Variants in HECW2 observed in about 807,000 individuals in gnomAD.
The protein encoded by HECW2 is HECT, C2 and WW domain containing E3 ubiquitin protein ligase 2, also known as E3 ubiquitin-protein ligase HECW2.
A neutral mutation model predicts 175.2 loss-of-function variants in HECW2; 61 were observed. That is an observed-to-expected ratio of 0.35 (90% confidence interval 0.28 to 0.43). The LOEUF is 0.43. HECW2 is among the 20% of genes least tolerant of loss of function. HECW2 has a pLI of 1.00. For synonymous variants in HECW2, 671 were observed against 731.0 expected (o/e 0.92, Z 1.32); for missense variants, 1,524 against 2,000.5 (o/e 0.76, Z 4.54).
intron 1 of HECW2, among the ~76,000 whole-genome samples, chr2:196,521,304 A>G (rs545638600): frequency 9.4e-5 from 14 of 148,264 alleles, no homozygotes; most frequent in Non-Finnish European, 1.8e-4. Flanking sequence ...AAAAAAAAAA[A>G]AAAGAAAGAA....
At chr2:196,299,996 A>C (rs1361882405) in intron 13 of HECW2, among the ~76,000 whole-genome samples, 1 of 152,182 alleles carries the variant, frequency 6.6e-6, no homozygotes, top group East Asian at 1.9e-4. Context: ...TCTCTACTTG[A>C]AACAATGCAG....
At chr2:196,431,145 A>G (rs1695700294) in intron 2 of HECW2, among the ~76,000 whole-genome samples, 1 of 152,214 alleles carries the variant, frequency 6.6e-6, no homozygotes, top group South Asian at 2.1e-4. Context: ...AAGAGTTATC[A>G]TTTTTCAAAA....
At position 196,534,535 on chromosome 2, in the gene HECW2, T is replaced by C. The variant is rs569172602; in HGVS notation, c.-36+58973A>G. ...CTCAGAAATGAGAACGGGGTTGAAATGATAGCTGAATCTTCTTCTAGTCTC... is the reference window on the plus strand; with the variant it reads ...CTCAGAAATGAGAACGGGGTTGAAACGATAGCTGAATCTTCTTCTAGTCTC... On this transcript the variant is annotated intron_variant, in intron 1 of 28. Transcript: ENST00000644978. Among the ~76,000 whole-genome samples the C allele has an allele frequency of 1.7e-4, 26 of 152,300 alleles. No individual in the cohort carries two copies. In the South Asian group the frequency reaches 4.4e-3, roughly 26 times the overall value.
At chr2:196,323,899 G>GTTTTTTTCGTTTTTTTTTTTTTTTTTTTT (rs1692040659) in intron 6 of HECW2, among the ~76,000 whole-genome samples, 1 of 118,142 alleles carries the variant, frequency 8.5e-6, no homozygotes. Context: ...GCCCTTAAGA[G>GTTTTTTTCGTTTTTTTTTTTTTTTTTTTT]TTTTTTTTGT....
At chr2:196,313,008 A>G (rs1446557402) in intron 10 of HECW2, among the ~76,000 whole-genome samples, 2 of 152,212 alleles carry the variant, frequency 1.3e-5, no homozygotes, top group Non-Finnish European at 2.9e-5. Flanking sequence ...AACCCCTCAC[A>G]TAAGTAATAG....
chr2:196,563,657 A>G lies in HECW2; in HGVS notation c.-36+29851T>C, dbSNP rs142725775. ...GAGTCAAGTAAAGAACACAGGAACC[A>G]GCTTGAAAAGGCACCCACTAGCTAG... On this transcript the variant is annotated intron_variant, in intron 1 of 28. Transcript: ENST00000644978. Among the ~76,000 whole-genome samples, 54 of 152,314 alleles carry G rather than the reference A, an allele frequency of 3.5e-4. 1 individual carries two copies. The East Asian group carries it at 9.4e-3, about 27-fold the overall frequency.
At chr2:196,362,104 C>A (rs1693605676) in intron 2 of HECW2, 1 of 985,230 alleles carries the variant, frequency 1.0e-6, no homozygotes, top group Non-Finnish European at 1.2e-6. Context: ...CAAGAGGCTC[C>A]TGTCCAGTAT....
chr2:196,454,561 G>C (rs1276308366), intron 1 of HECW2, among the ~76,000 whole-genome samples: 1 of 152,156 alleles, frequency 6.6e-6, no homozygotes, highest in Non-Finnish European at 1.5e-5. Context: ...AAGCAAAATA[G>C]CTGTATCCTA....
At chr2:196,323,294 A>G (rs375400903) in intron 6 of HECW2, among the ~76,000 whole-genome samples, 12 of 152,360 alleles carry the variant, frequency 7.9e-5, no homozygotes, top group African/African-American at 2.9e-4. Context: ...TAATAAGGAT[A>G]TAAAATAAAT....
At chr2:196,437,667 C>T (rs537727747) in intron 1 of HECW2, among the ~76,000 whole-genome samples, 30 of 149,298 alleles carry the variant, frequency 2.0e-4, no homozygotes, top group South Asian at 4.3e-4. Context: ...TGCCCACTGA[C>T]GAATGCAAGC....
At chr2:196,581,048 A>C (rs1358591327) in intron 1 of HECW2, among the ~76,000 whole-genome samples, 1 of 152,230 alleles carries the variant, frequency 6.6e-6, no homozygotes, top group East Asian at 1.9e-4. Flanking sequence ...GTCACAAAAG[A>C]CTTCATATTA....
At chr2:196,553,090 T>C (rs930023821) in intron 1 of HECW2, among the ~76,000 whole-genome samples, 1 of 152,240 alleles carries the variant, frequency 6.6e-6, no homozygotes, top group Non-Finnish European at 1.5e-5. Flanking sequence ...CTTTTGTGTT[T>C]TACTATAACT....
At chr2:196,358,371 C>T (rs1361257439) in intron 2 of HECW2, among the ~76,000 whole-genome samples, 3 of 150,868 alleles carry the variant, frequency 2.0e-5, no homozygotes, top group African/African-American at 4.9e-5. Context: ...TACTTGAGTT[C>T]GAGATCGGCC....
rs188653409 is a variant in HECW2, at chr2:196,237,094, C to T, written c.3764+3355G>A. Among the ~76,000 whole-genome samples, 151 of 152,308 alleles carry T rather than the reference C, an allele frequency of 9.9e-4. 1 individual carries two copies. The highest frequency in any genetic ancestry group is 2.0e-3 in the Admixed American group (30 of 15,302). ...GGCCAAATTACATCATGTGCCTACC[C>T]CAGACCTACAGCAGTTTCTGAAGGG... On this transcript the variant is annotated intron_variant, in intron 21 of 28. Transcript: ENST00000644978.
intron 2 of HECW2, among the ~76,000 whole-genome samples, chr2:196,379,433 C>A (rs1559077101): frequency 6.6e-6 from 1 of 152,122 alleles, no homozygotes; most frequent in Non-Finnish European, 1.5e-5. Context: ...TGCCTGTAAT[C>A]CCAGCACTTT....
In HECW2 at chr2:196,300,152, T is replaced by C. The variant is rs555274767; in HGVS notation, c.2814+6336A>G. 2.5e-5 allele frequency among the ~76,000 whole-genome samples: 3 copies of C among 122,050 alleles called. No individual in the cohort carries two copies. In the South Asian group the frequency reaches 9.1e-4, roughly 37 times the overall value. The allele number at this position is 122,050 out of a possible 152,430, so 80.1% of individuals were successfully genotyped here. A position where few individuals can be genotyped will look rare whatever the true frequency, so the allele number is the denominator to read the frequency against. ...AAATGCAATATCAGGGCTTGATTTA[T>C]TGTTCTGTAGGCTGTCTAGACTGGG... On this transcript the variant is annotated intron_variant, in intron 13 of 28. Transcript: ENST00000644978.
chr2:196,357,318 TG>T (rs113728158), intron 2 of HECW2, among the ~76,000 whole-genome samples: 7 of 123,044 alleles, frequency 5.7e-5, no homozygotes, highest in African/African-American at 2.7e-4. Context: ...ACAACCCTGG[TG>T]GGGGGCTTGG....
intron 25 of HECW2, 77 bp downstream of exon 25, chr2:196,220,718 A>G (rs1687634616): frequency 6.2e-6 from 9 of 1,444,732 alleles, no homozygotes; most frequent in Non-Finnish European, 8.7e-6. Flanking sequence ...TAGTCTACAC[A>G]TGTAAAGTAC....
intron 1 of HECW2, among the ~76,000 whole-genome samples, chr2:196,471,618 T>A (rs528494814): frequency 6.6e-6 from 1 of 152,328 alleles, no homozygotes; most frequent in South Asian, 2.1e-4. Context: ...ATATACACCA[T>A]GGAATACTAG....
Sources: gnomAD v4.1 joint callset for allele counts (sites outside exome capture counted in the v4.1 genomes callset) on GRCh38, gnomAD v4.1.1 for gene constraint, MANE v1.5 for transcripts, NCBI Gene and HGNC (gene_info 2026-07-23, HGNC 2026-07-21) for gene names.